Variants in NSD1 observed in about 807,000 individuals in gnomAD.
NSD1 encodes the protein nuclear receptor binding SET domain protein 1.
NSD1 carries 26 observed loss-of-function variants against 242.7 expected under a neutral mutation model. The ratio of observed to expected loss-of-function variants is 0.11; its 90% CI spans 0.08 to 0.15. The LOEUF (loss-of-function observed/expected upper bound fraction) is 0.15, where lower values mean the gene tolerates loss of function less well. NSD1 is among the 10% of genes least tolerant of loss of function. NSD1 has a pLI of 1.00. For missense variants in NSD1, 2,495 were observed against 3,272.8 expected, an observed-to-expected ratio of 0.76 and a Z score of 5.80; for synonymous variants, 1,106 against 1,178.1, an observed-to-expected ratio of 0.94 and a Z score of 1.25.
chr5:177,212,965 G>A lies in NSD1; in HGVS notation c.3796+770G>A, dbSNP rs561403448. ...TTTCTTTGACCATTACTTAAGATAG[G>A]TCCTTCTGTTTTGTGGACAATTTGA... On this transcript the variant is annotated intron_variant, in intron 5 of 22. Transcript: ENST00000439151. Among the ~76,000 whole-genome samples, 304 of 152,190 alleles carry A rather than the reference G, an allele frequency of 2.0e-3. 1 individual carries two copies. Among genetic ancestry groups the A allele is most frequent in the Non-Finnish European group, 3.6e-3 (243 of 68,016 alleles).
intron 2 of NSD1, among the ~76,000 whole-genome samples, chr5:177,170,725 G>A (rs1275200273): frequency 6.6e-6 from 1 of 152,072 alleles, no homozygotes; most frequent in Non-Finnish European, 1.5e-5. Context: ...ACAATTCAGT[G>A]CATTACATGT....
chr5:177,147,497 C>G (rs76043552), intron 2 of NSD1, among the ~76,000 whole-genome samples: 2,779 of 152,254 alleles, frequency 0.018, 33 homozygotes, highest in Non-Finnish European at 0.028. Context: ...ATGAGTCATA[C>G]AGTATGCAGC....
At chr5:177,183,867 C>G (rs1051494985) in intron 2 of NSD1, among the ~76,000 whole-genome samples, 2 of 152,174 alleles carry the variant, frequency 1.3e-5, no homozygotes, top group African/African-American at 2.4e-5. Flanking sequence ...TTAGTTCCCA[C>G]TAATAAGTGA....
intron 3 of NSD1, among the ~76,000 whole-genome samples, chr5:177,197,159 A>T (rs1291706946): frequency 2.6e-5 from 4 of 152,114 alleles, no homozygotes; most frequent in Non-Finnish European, 4.4e-5. Flanking sequence ...AATCCCAGCT[A>T]CTGGGGAGGC....
intron 5 of NSD1, among the ~76,000 whole-genome samples, chr5:177,221,793 C>G (rs1236803886): frequency 6.6e-6 from 1 of 150,926 alleles, no homozygotes; most frequent in Admixed American, 6.6e-5. Flanking sequence ...TTCCCCTTCC[C>G]CACTTTGTTG....
intron 2 of NSD1, among the ~76,000 whole-genome samples, chr5:177,156,952 C>T (rs962285309): frequency 2.6e-5 from 4 of 151,906 alleles, no homozygotes; most frequent in Non-Finnish European, 5.9e-5. Context: ...GCCTGGAGGA[C>T]AGAGCGAGAC....
At chr5:177,137,788 A>T (rs1756462272) in intron 2 of NSD1, among the ~76,000 whole-genome samples, 1 of 149,350 alleles carries the variant, frequency 6.7e-6, no homozygotes, top group Non-Finnish European at 1.5e-5. Context: ...TGGTTCTATT[A>T]AAAAAAAAAT....
chr5:177,192,840 A>G (rs912093891), intron 3 of NSD1, among the ~76,000 whole-genome samples: 4 of 152,146 alleles, frequency 2.6e-5, no homozygotes, highest in African/African-American at 9.7e-5. Context: ...TGATTTAAAC[A>G]TTCTCAATTA....
In NSD1 at chr5:177,210,743, A is replaced by T; in HGVS notation, c.2344A>T (p.Ser782Cys). Reference sequence around the variant, plus strand: ...AAATCAAGCTCTATTACATTCGAAAAGCAAACAGCCCAAGTTCCGAAGTAT... The same window carrying T: ...AAATCAAGCTCTATTACATTCGAAATGCAAACAGCCCAAGTTCCGAAGTAT... ...AANQALLHSK[S>C]KQPKFRSIKC... Residue 782 changes from serine to cysteine, a missense_variant, in exon 5 of 23, where the codon AGC (serine) becomes TGC (cysteine). This residue lies in a region of NSD1 where 515 missense variants were observed against 467.0 expected (regional missense o/e 1.10). Coordinates refer to ENST00000439151, the MANE Select transcript of NSD1 (RefSeq NM_022455.5). 1 of 1,614,210 alleles carries T rather than the reference A, an allele frequency of 6.2e-7. No individual in the cohort carries two copies. Among genetic ancestry groups the T allele is most frequent in the Non-Finnish European group, 8.5e-7 (1 of 1,180,048 alleles).
At chr5:177,193,344 G>A (rs538003213) in intron 3 of NSD1, among the ~76,000 whole-genome samples, 15 of 152,146 alleles carry the variant, frequency 9.9e-5, no homozygotes, top group Admixed American at 7.9e-4. Flanking sequence ...GGATTTCACC[G>A]TGTTAACCAG....
chr5:177,209,539 A>G, intron 4 of NSD1, 97 bp from the exon 5 acceptor site: 1 of 947,170 alleles, frequency 1.1e-6, no homozygotes, highest in Non-Finnish European at 1.6e-6. Context: ...AAAAAAAAAA[A>G]AAAAAGGAAT....
In NSD1 at chr5:177,294,747, A is replaced by G. The variant is rs1406542990; in HGVS notation, c.7379A>G (p.Asp2460Gly). The change falls in exon 23 of 23, where the codon GAC (aspartate) becomes GGC (glycine). Residue 2460 changes from aspartate to glycine, a missense_variant. Around this residue, in one of 19 missense-constraint regions of NSD1, gnomAD observed 475 missense variants for 563.7 expected, o/e 0.84. Coordinates refer to ENST00000439151, the MANE Select transcript of NSD1 (RefSeq NM_022455.5). ...NRAALVMDLI[D>G]LTPRQKERAA... Reference sequence around the variant, plus strand: ...GCTGCTTTGGTGATGGATCTCATAGACCTAACTCCTCGCCAGAAGGAGCGG... The same window carrying G: ...GCTGCTTTGGTGATGGATCTCATAGGCCTAACTCCTCGCCAGAAGGAGCGG... 1 of 1,614,034 alleles carries G rather than the reference A, an allele frequency of 6.2e-7. No homozygotes were observed. Among genetic ancestry groups the G allele is most frequent in the African/African-American group, 1.3e-5 (1 of 74,922 alleles).
intron 12 of NSD1, among the ~76,000 whole-genome samples, chr5:177,253,789 G>T (rs1581448711): frequency 6.6e-6 from 1 of 151,830 alleles, no homozygotes; most frequent in East Asian, 1.9e-4. Flanking sequence ...CTTGCCACAT[G>T]CCTGGCTAAT....
At chr5:177,161,600 A>T (rs1294173782) in intron 2 of NSD1, among the ~76,000 whole-genome samples, 10 of 151,494 alleles carry the variant, frequency 6.6e-5, no homozygotes, top group African/African-American at 2.4e-4. Flanking sequence ...TGTGCAAACG[A>T]TTGAAATTAT....
chr5:177,158,293 C>CTTTCTTTCCTTTCTTTTCTTTCT (rs1758349874), intron 2 of NSD1, among the ~76,000 whole-genome samples: 2 of 77,674 alleles, frequency 2.6e-5, no homozygotes, highest in African/African-American at 4.7e-5. Flanking sequence ...TTCTTTCTTT[C>CTTTCTTTCCTTTCTTTTCTTTCT]TTTCTTTCTT....
At chr5:177,258,283 C>T (rs1257574307) in intron 13 of NSD1, among the ~76,000 whole-genome samples, 2 of 151,314 alleles carry the variant, frequency 1.3e-5, no homozygotes, top group Admixed American at 1.3e-4. Context: ...CCCGGCCGGC[C>T]ATTTTTATAT....
chr5:177,248,424 G>A (rs1766468598), intron 11 of NSD1, 100 bp downstream of exon 11: 2 of 1,406,068 alleles, frequency 1.4e-6, no homozygotes, highest in African/African-American at 2.8e-5. Context: ...GAATAACAAT[G>A]CTTTTGGATG....
intron 2 of NSD1, among the ~76,000 whole-genome samples, chr5:177,158,938 G>GTATA (rs34870118): frequency 1.4e-5 from 2 of 141,764 alleles, no homozygotes; most frequent in Admixed American, 7.1e-5. Flanking sequence ...GTGTGTGTGT[G>GTATA]TATATATACA....
chr5:177,264,770 C>CA (rs1554201059), intron 14 of NSD1: 7 of 738,218 alleles, frequency 9.5e-6, no homozygotes, highest in Non-Finnish European at 7.5e-6. Flanking sequence ...GCCAAAATGA[C>CA]AAACACAAAG....
Sources: allele counts gnomAD v4.1 joint callset (sites outside exome capture counted in the v4.1 genomes callset), GRCh38; gene constraint gnomAD v4.1.1; regional missense constraint gnomAD v4.1.1; transcripts MANE v1.5; gene names NCBI Gene and HGNC (gene_info 2026-07-23, HGNC 2026-07-21).